SARDH: variants seen among roughly 807,000 people sequenced by gnomAD.
SARDH encodes sarcosine dehydrogenase, mitochondrial.
In SARDH, 95 loss-of-function variants were observed where a neutral mutation model predicts 109.1. The ratio of observed to expected loss-of-function variants is 0.87; its 90% CI spans 0.74 to 1.03. SARDH has a LOEUF of 1.03. Among genes scored for constraint, SARDH ranks in the 50% least tolerant of loss-of-function variants. The probability of loss-of-function intolerance (pLI) is 0.00; values close to 1 mark genes in which losing one functional copy is unlikely to be tolerated. For missense variants in SARDH, 1,267 were observed against 1,287.8 expected (o/e 0.98, Z 0.25); for synonymous variants, 572 against 534.8 (o/e 1.07, Z -0.96).
At chr9:133,685,927 C>G (rs1830868989) in intron 16 of SARDH, among the ~76,000 whole-genome samples, 1 of 152,190 alleles carries the variant, frequency 6.6e-6, no homozygotes, top group African/African-American at 2.4e-5. Flanking sequence ...CCAAAGTCCT[C>G]TGCCTGACAT....
Position 133,690,382 on chromosome 9 carries a change from G to C in SARDH, c.2067C>G (p.Ala689=). The C allele has an allele frequency of 2.5e-6, 4 of 1,609,384 alleles. No individual in the cohort carries two copies. Among genetic ancestry groups the C allele is most frequent in the Non-Finnish European group, 3.4e-6 (4 of 1,177,284 alleles). Residue 689 remains alanine, a splice_region_variant and synonymous_variant, in exon 16 of 21, where the codon GCC becomes GCG. Coordinates refer to ENST00000439388, the MANE Select transcript of SARDH (RefSeq NM_001134707.2). ...DLGMISIQGP[A]SRAILQEVLD... ...GCGGGCTCCCAGTCCTCTCTCACCTGGCTGGGCCCTGGATACTGATCATAC... is the reference window on the plus strand; with the variant it reads ...GCGGGCTCCCAGTCCTCTCTCACCTCGCTGGGCCCTGGATACTGATCATAC...
At chr9:133,699,964 T>C (rs1016471548) in intron 13 of SARDH, among the ~76,000 whole-genome samples, 1 of 152,178 alleles carries the variant, frequency 6.6e-6, no homozygotes, top group African/African-American at 2.4e-5. Flanking sequence ...ACAATTCCAA[T>C]GTCCACCAAC....
intron 16 of SARDH, among the ~76,000 whole-genome samples, 189 bp downstream of exon 16, chr9:133,690,191 C>T (rs905086678): frequency 1.2e-4 from 18 of 152,168 alleles, no homozygotes; most frequent in Admixed American, 1.1e-3. Flanking sequence ...CAGTCTGACT[C>T]GTGTTACCGG....
rs1437740052 is a variant in SARDH at position 133,712,013 on chromosome 9, C to T, written c.1328+606G>A. ...GGCCATCGGGATAGGCTGCCGTCAC[C>T]GGCTCTGGCCACCAGCACCCCAGTC... On this transcript the variant is annotated intron_variant, in intron 10 of 20. Transcript: ENST00000439388. This position sits in a 1 kb window ranked among gnomAD's most constrained non-coding sequence, Gnocchi z 4.1. Among the ~76,000 whole-genome samples the T allele has an allele frequency of 6.6e-6, 1 of 152,198 alleles. No homozygotes were observed. Among genetic ancestry groups the T allele is most frequent in the Non-Finnish European group, 1.5e-5 (1 of 68,024 alleles).
chr9:133,723,673 GAATGGCATGAA>G, intron 6 of SARDH, among the ~76,000 whole-genome samples: 1 of 152,334 alleles, frequency 6.6e-6, no homozygotes. Flanking sequence ...TGAGGCAGGA[GAATGGCATGAA>G]CCCAGGAGGC....
downstream of SARDH, among the ~76,000 whole-genome samples, chr9:133,661,065 C>T (rs575151273): frequency 2.2e-4 from 33 of 152,012 alleles, 1 homozygote; most frequent in East Asian, 1.6e-3. Flanking sequence ...TAGGGCTGGG[C>T]GCGGTGGCTC....
At position 133,664,761 on chromosome 9, in the gene SARDH, AC is replaced by A. The variant is rs1830004009; in HGVS notation, c.2632-748del. The stretch of plus-strand genomic sequence containing the variant: ...ACTGGATGAAAAAAATAAAAAACAA[AC>A]CAAGCTTTTTCTGCGACAGGAGCTT... On this transcript the variant is annotated intron_variant, in intron 20 of 20. Transcript: ENST00000439388. 3.3e-5 allele frequency among the ~76,000 whole-genome samples: 5 copies of A among 152,078 alleles called. No homozygotes were observed. In the South Asian group the frequency reaches 1.0e-3, roughly 32 times the overall value.
At chr9:133,702,814 G>C in intron 13 of SARDH, 102 bp downstream of exon 13, 3 of 980,906 alleles carry the variant, frequency 3.1e-6, no homozygotes, top group Non-Finnish European at 4.7e-6. Flanking sequence ...AGAGACTCCT[G>C]GGGGAGGGGA....
chr9:133,708,018 G>A (rs768409761), intron 11 of SARDH, among the ~76,000 whole-genome samples: 5 of 152,138 alleles, frequency 3.3e-5, no homozygotes, highest in African/African-American at 7.2e-5. Context: ...GGCAGGGGGC[G>A]GTTCCTGGGT....
At chr9:133,681,861 C>T (rs1439399381) in intron 17 of SARDH, among the ~76,000 whole-genome samples, 6 of 152,186 alleles carry the variant, frequency 3.9e-5, no homozygotes, top group Non-Finnish European at 5.9e-5. Context: ...TGTGTCCCCA[C>T]GATCGCGCAC....
At chr9:133,696,154 C>T in intron 14 of SARDH, 69 bp downstream of exon 14, 2 of 1,590,122 alleles carry the variant, frequency 1.3e-6, no homozygotes, top group Non-Finnish European at 1.7e-6. Flanking sequence ...GGCTTGCCAG[C>T]TCATCTCAGT....
At chr9:133,734,712 G>A (rs1832823649) in intron 1 of SARDH, among the ~76,000 whole-genome samples, 1 of 152,236 alleles carries the variant, frequency 6.6e-6, no homozygotes, top group Admixed American at 6.5e-5. Flanking sequence ...GCCGGGCAGG[G>A]AGGATGGGGA....
intron 16 of SARDH, among the ~76,000 whole-genome samples, chr9:133,687,482 T>C (rs751299007): frequency 7.2e-5 from 11 of 152,164 alleles, no homozygotes; most frequent in Admixed American, 7.2e-4. Context: ...GATCTCGCTA[T>C]GTTGCTCAGG....
chr9:133,718,859 G>T lies in SARDH; in HGVS notation c.1020+79C>A. ...GCCTCTGAGGAGCTTCAGGAGGATG[G>T]ACTTCCTGAAAGAGGCCCTCTCCAT... is the stretch of plus-strand genomic sequence containing the variant. On this transcript the variant is annotated intron_variant, in intron 7 of 20. Coordinates refer to ENST00000439388, the MANE Select transcript of SARDH (RefSeq NM_001134707.2). The surrounding 1 kb of genome is among the most constrained non-coding windows in gnomAD (Gnocchi z 4.2). 2 of 1,120,662 alleles carry T rather than the reference G, an allele frequency of 1.8e-6. No homozygotes were observed. Among genetic ancestry groups the T allele is most frequent in the East Asian group, 2.5e-5 (1 of 40,414 alleles). 69.4% of individuals were successfully genotyped at this position (1,120,662 alleles called of 1,614,324 possible). A position where few individuals can be genotyped will look rare whatever the true frequency, so the allele number is the denominator to read the frequency against.
At chr9:133,672,163 G>A (rs1024816655) in intron 17 of SARDH, among the ~76,000 whole-genome samples, 7 of 152,208 alleles carry the variant, frequency 4.6e-5, no homozygotes, top group Admixed American at 3.9e-4. Context: ...AGCACCTCCC[G>A]GCACCCCTTG....
rs79216357 is a variant in SARDH at position 133,672,104 on chromosome 9, G to A, written c.2164-407C>T. Among the ~76,000 whole-genome samples, 150 of 152,294 alleles carry A rather than the reference G, an allele frequency of 9.8e-4. 1 individual carries two copies. Among genetic ancestry groups the A allele is most frequent in the African/African-American group, 1.5e-3 (62 of 41,566 alleles). The stretch of plus-strand genomic sequence containing the variant: ...AAGCCACGCTTCCTCTGCAGGCTCC[G>A]GAGACGACCCTTCCACTCTCGAGGG... On this transcript the variant is annotated intron_variant, in intron 17 of 20. Transcript: ENST00000439388.
chr9:133,703,963 G>A (rs1300736043), intron 12 of SARDH, among the ~76,000 whole-genome samples: 2 of 152,158 alleles, frequency 1.3e-5, no homozygotes, highest in Non-Finnish European at 2.9e-5. Context: ...CCTGGGGTGT[G>A]TTCCTGACTC....
At chr9:133,724,462 C>T (rs906722633) in intron 6 of SARDH, among the ~76,000 whole-genome samples, 2 of 152,176 alleles carry the variant, frequency 1.3e-5, no homozygotes, top group Non-Finnish European at 2.9e-5. Flanking sequence ...CGGTGAGACA[C>T]CACCTCACAC....
At chr9:133,734,532 G>A (rs2073908) in intron 1 of SARDH, among the ~76,000 whole-genome samples, 2,175 of 152,230 alleles carry the variant, frequency 0.014, 57 homozygotes, top group East Asian at 0.085. Context: ...GTCAGTGCCC[G>A]GGAGCAACCT....
Sources: allele counts gnomAD v4.1 joint callset (sites outside exome capture counted in the v4.1 genomes callset), GRCh38; gene constraint gnomAD v4.1.1; non-coding constraint Gnocchi (gnomAD v3.1); transcripts MANE v1.5; gene names NCBI Gene and HGNC (gene_info 2026-07-23, HGNC 2026-07-21).